Variants in SLC30A6 observed in about 807,000 individuals in gnomAD.
The protein encoded by SLC30A6 is zinc transporter 6.
Under a neutral mutation model 63.0 loss-of-function variants are expected in SLC30A6, and 55 were observed. The ratio of observed to expected loss-of-function variants is 0.87; its 90% CI spans 0.70 to 1.09. The LOEUF (loss-of-function observed/expected upper bound fraction) is 1.09, where lower values mean the gene tolerates loss of function less well. Ranked by LOEUF, SLC30A6 falls within the 50% of genes least tolerant of loss-of-function variation. SLC30A6 has a pLI of 0.00. For missense variants in SLC30A6, 587 were observed against 549.2 expected (o/e 1.07, Z -0.69); for synonymous variants, 224 against 186.1 (o/e 1.20, Z -1.66).
At chr2:32,200,591 A>G (rs1378968041) in intron 10 of SLC30A6, among the ~76,000 whole-genome samples, 4 of 151,054 alleles carry the variant, frequency 2.6e-5, no homozygotes, top group Admixed American at 2.6e-4. Flanking sequence ...TGCTGTGTCC[A>G]CTCAGGGTTA....
chr2:32,208,020 G>T (rs964703577), intron 12 of SLC30A6, among the ~76,000 whole-genome samples: 1 of 151,214 alleles, frequency 6.6e-6, no homozygotes, highest in Admixed American at 6.6e-5. Flanking sequence ...TTTTAGTAGA[G>T]ACGGGGTTTC....
At chr2:32,168,772 G>A (rs562135930) in intron 1 of SLC30A6, among the ~76,000 whole-genome samples, 2 of 152,302 alleles carry the variant, frequency 1.3e-5, no homozygotes, top group African/African-American at 4.8e-5. Context: ...AACTGAAGTT[G>A]AGGGTTTCTA....
In SLC30A6 at chr2:32,171,367, C is replaced by T. The variant is rs1278409686; in HGVS notation, c.84C>T (p.Asp28=). ...GGGAATTTAGACTTGTAGCAGCTGA[C>T]CGAAGGGTAAGTTATTCCTTAACCC... ...LLREFRLVAA[D]RRSWKILLFG... The change falls in exon 2 of 14, where the codon GAC becomes GAT. Residue 28 remains aspartate (D), a synonymous_variant. Coordinates refer to ENST00000282587, the MANE Select transcript of SLC30A6 (RefSeq NM_017964.5). 3 of 1,612,996 alleles carry T rather than the reference C, an allele frequency of 1.9e-6. No homozygotes were observed. Among genetic ancestry groups the T allele is most frequent in the Admixed American group, 1.7e-5 (1 of 59,974 alleles).
intron 1 of SLC30A6, 132 bp downstream of exon 1, chr2:32,166,035 A>G (rs1680614179): frequency 2.2e-6 from 3 of 1,334,710 alleles, no homozygotes; most frequent in Non-Finnish European, 3.2e-6. Flanking sequence ...GCCCCTTGGC[A>G]GGAGCGGCTG....
At chr2:32,185,887 GTT>G (rs1016415372) in intron 5 of SLC30A6, among the ~76,000 whole-genome samples, 2 of 136,648 alleles carry the variant, frequency 1.5e-5, no homozygotes, top group Non-Finnish European at 1.6e-5. Context: ...GCCTGGCTCA[GTT>G]TTTTTTTTTT....
At chr2:32,176,401 G>A (rs980362313) in intron 4 of SLC30A6, among the ~76,000 whole-genome samples, 1 of 152,054 alleles carries the variant, frequency 6.6e-6, no homozygotes, top group African/African-American at 2.4e-5. Flanking sequence ...GCTCACGCCT[G>A]TAATCCCAGC....
chr2:32,178,183 G>T lies in SLC30A6; in HGVS notation c.218+2822G>T, dbSNP rs548860075. Among the ~76,000 whole-genome samples, 126 of 151,894 alleles carry T rather than the reference G, an allele frequency of 8.3e-4. 1 individual carries two copies. The highest frequency in any genetic ancestry group is 1.6e-3 in the Non-Finnish European group (110 of 67,946). ...AGGATGGTCTCAATCTCCTGACCTTGTGATCCGCCCGCCTCGGCTTCCCAA... is the reference window on the plus strand; with the variant it reads ...AGGATGGTCTCAATCTCCTGACCTTTTGATCCGCCCGCCTCGGCTTCCCAA... On this transcript the variant is annotated intron_variant, in intron 4 of 13. Coordinates refer to ENST00000282587, the MANE Select transcript of SLC30A6 (RefSeq NM_017964.5).
intron 2 of SLC30A6, 46 bp downstream of exon 2, chr2:32,171,419 T>G: frequency 7.0e-7 from 1 of 1,427,436 alleles, no homozygotes. Context: ...ACAAACAACA[T>G]TATAACATTG....
At chr2:32,200,680 C>A (rs927277297) in intron 10 of SLC30A6, among the ~76,000 whole-genome samples, 6 of 151,612 alleles carry the variant, frequency 4.0e-5, no homozygotes, top group African/African-American at 1.5e-4. Flanking sequence ...GTCATCACCA[C>A]TCCCTAATCT....
At chr2:32,218,822 G>T (rs1375107969) in intron 13 of SLC30A6, among the ~76,000 whole-genome samples, 1 of 152,128 alleles carries the variant, frequency 6.6e-6, no homozygotes, top group Non-Finnish European at 1.5e-5. Context: ...CTCCCAAAGT[G>T]CTGGGATTAT....
chr2:32,170,536 A>T (rs1280410797), intron 1 of SLC30A6, among the ~76,000 whole-genome samples: 1 of 152,208 alleles, frequency 6.6e-6, no homozygotes, highest in African/African-American at 2.4e-5. Context: ...ACTAGCCAGG[A>T]TGTCAGATAC....
At position 32,197,767 on chromosome 2, in the gene SLC30A6, T is replaced by G; in HGVS notation, c.606T>G (p.Val202=). ...TCCTTCCCCGAATGAATCCATTTGTTTTGATTGATCTTGCTGGAGCATTTG... is the reference window on the plus strand; with the variant it reads ...TCCTTCCCCGAATGAATCCATTTGTGTTGATTGATCTTGCTGGAGCATTTG... ...SIFLPRMNPF[V]LIDLAGAFAL... is the part of the protein sequence containing the mutation. Residue 202 remains valine (V), a synonymous_variant, in exon 10 of 14, where the codon GTT becomes GTG. Coordinates refer to ENST00000282587, the MANE Select transcript of SLC30A6 (RefSeq NM_017964.5). 6.2e-7 allele frequency: 1 copy of G among 1,614,152 alleles called. No homozygotes were observed. The highest frequency in any genetic ancestry group is 8.5e-7 in the Non-Finnish European group (1 of 1,180,000).
Position 32,220,810 on chromosome 2 carries a change from A to G in SLC30A6, c.*97A>G. 2.8e-6 allele frequency: 3 copies of G among 1,069,598 alleles called. No individual in the cohort carries two copies. In the South Asian group the frequency reaches 4.9e-5, roughly 17 times the overall value. 66.3% of individuals were successfully genotyped at this position (1,069,598 alleles called of 1,614,324 possible). On this transcript the variant is annotated 3_prime_UTR_variant, in exon 14 of 14. Coordinates refer to ENST00000282587, the MANE Select transcript of SLC30A6 (RefSeq NM_017964.5). ...ATTGACTGTTTAATCATTTACTCTA[A>G]ATGTTAGATAATAGTAGTCTTGTTC...
At chr2:32,166,392 A>G (rs1378054540) in intron 1 of SLC30A6, among the ~76,000 whole-genome samples, 1 of 152,158 alleles carries the variant, frequency 6.6e-6, no homozygotes, top group African/African-American at 2.4e-5. Context: ...TAGCCTGATT[A>G]CGGCAGCAAA....
chr2:32,177,545 G>T, intron 4 of SLC30A6: 1 of 206,318 alleles, frequency 4.8e-6, no homozygotes, highest in Non-Finnish European at 1.1e-5. Context: ...ACCCACCTCG[G>T]CCTACCAAAG....
At chr2:32,188,796 G>T (rs1444516862) in intron 5 of SLC30A6, among the ~76,000 whole-genome samples, 2 of 152,118 alleles carry the variant, frequency 1.3e-5, no homozygotes, top group East Asian at 3.9e-4. Flanking sequence ...TTACTATCTG[G>T]ATCATGATAT....
chr2:32,213,563 C>T (rs1330673919), intron 13 of SLC30A6, among the ~76,000 whole-genome samples: 1 of 152,036 alleles, frequency 6.6e-6, no homozygotes, highest in Non-Finnish European at 1.5e-5. Context: ...GAAGGTCTTA[C>T]ACCTTTTATT....
intron 13 of SLC30A6, among the ~76,000 whole-genome samples, chr2:32,212,804 G>A (rs769224503): frequency 3.3e-5 from 5 of 150,246 alleles, no homozygotes; most frequent in Non-Finnish European, 1.5e-5. Flanking sequence ...CACCATGTTG[G>A]CCAGGCTGGT....
intron 5 of SLC30A6, among the ~76,000 whole-genome samples, chr2:32,191,828 G>C (rs576354682): frequency 3.8e-4 from 57 of 151,936 alleles, no homozygotes; most frequent in African/African-American, 1.4e-3. Flanking sequence ...GGGAGTTCAG[G>C]GTCCAGCCTG....
Sources: gnomAD v4.1 joint callset for allele counts (sites outside exome capture counted in the v4.1 genomes callset) on GRCh38, gnomAD v4.1.1 for gene constraint, MANE v1.5 for transcripts, NCBI Gene and HGNC (gene_info 2026-07-23, HGNC 2026-07-21) for gene names.